The following ESRRG variants were observed in gnomAD, a reference collection of about 807,000 sequenced individuals.
ESRRG encodes the protein estrogen related receptor gamma.
ESRRG carries 13 observed loss-of-function variants against 44.0 expected under a neutral mutation model. The observed-to-expected ratio is 0.30, with a 90% CI of 0.19 to 0.47. ESRRG has a LOEUF of 0.47. ESRRG is among the 20% of genes least tolerant of loss of function. The probability of loss-of-function intolerance (pLI) is 1.00; values close to 1 mark genes in which losing one functional copy is unlikely to be tolerated. For synonymous variants in ESRRG, 215 were observed against 214.6 expected (o/e 1.00, Z -0.02); for missense variants, 395 against 580.6 (o/e 0.68, Z 3.29).
rs117620201 is a variant in ESRRG, at chr1:216,832,376, G to A, written c.-14+107206C>T. Among the ~76,000 whole-genome samples the A allele has an allele frequency of 7.9e-4, 121 of 152,268 alleles. 3 individuals are homozygous for A. In the East Asian group the frequency reaches 0.021, roughly 26 times the overall value. On this transcript the variant is annotated intron_variant, in intron 2 of 7. Transcript: ENST00000359162. ...CCTTTTGACTGTTAGTCTTGGCCAG[G>A]TTTCTCCGGTAGGTGGAGAACACTA...
At chr1:216,796,307 T>C (rs2094469553) in intron 2 of ESRRG, among the ~76,000 whole-genome samples, 2 of 152,132 alleles carry the variant, frequency 1.3e-5, no homozygotes, top group African/African-American at 4.8e-5. Flanking sequence ...GGCAATTGTA[T>C]ATCTCCAAGG....
Position 217,013,149 on chromosome 1 carries a change from C to T in ESRRG, c.-105-73476G>A, listed in dbSNP as rs12074540. ...CCTCTGGAAAGGCTCTATCCCCAAA[C>T]GGGATCACATTCCTCTGTACTGGAG... On this transcript the variant is annotated intron_variant, in intron 1 of 7. Transcript: ENST00000359162. Among the ~76,000 whole-genome samples the T allele has an allele frequency of 7.5e-3, 1,149 of 152,342 alleles. 16 individuals are homozygous for T. The highest frequency in any genetic ancestry group is 0.026 in the African/African-American group (1,085 of 41,584).
chr1:217,063,566 T>G (rs1173163214), intron 1 of ESRRG, among the ~76,000 whole-genome samples: 1 of 152,106 alleles, frequency 6.6e-6, no homozygotes, highest in Admixed American at 6.5e-5. Flanking sequence ...ACTGGGATAG[T>G]GAGTTAACAG....
intron 1 of ESRRG, among the ~76,000 whole-genome samples, chr1:217,020,630 G>C (rs773178171): frequency 2.6e-5 from 4 of 152,124 alleles, no homozygotes; most frequent in Admixed American, 1.3e-4. Flanking sequence ...TTGTTCAAGG[G>C]GGGCAAGGAC....
chr1:217,037,295 T>C (rs1202854613), intron 1 of ESRRG, among the ~76,000 whole-genome samples: 1 of 152,212 alleles, frequency 6.6e-6, no homozygotes, highest in African/African-American at 2.4e-5. Context: ...TACTGGAAAC[T>C]GGGCAATTTA....
At chr1:216,591,731 T>C (rs566167906) in intron 3 of ESRRG, among the ~76,000 whole-genome samples, 2 of 152,262 alleles carry the variant, frequency 1.3e-5, no homozygotes, top group South Asian at 2.1e-4. Context: ...AGAAGGCAGC[T>C]TGAAGGGGCT....
chr1:216,906,163 T>C (rs1436881), intron 2 of ESRRG, among the ~76,000 whole-genome samples: 12,832 of 152,228 alleles, frequency 0.084, 814 homozygotes, highest in East Asian at 0.21. Flanking sequence ...TCAGACTTTT[T>C]CTTAGTTTGA....
chr1:216,819,177 G>T (rs1354296546), intron 2 of ESRRG, among the ~76,000 whole-genome samples: 1 of 152,122 alleles, frequency 6.6e-6, no homozygotes, highest in Non-Finnish European at 1.5e-5. Context: ...CTTCCACAAT[G>T]GTTGAACTGG....
intron 1 of ESRRG, among the ~76,000 whole-genome samples, chr1:216,691,187 G>A (rs2078989642): frequency 6.6e-6 from 1 of 151,952 alleles, no homozygotes; most frequent in East Asian, 1.9e-4. Flanking sequence ...AGATGCTATA[G>A]AATATAGAAT....
chr1:216,630,191 C>A (rs1350916503), intron 3 of ESRRG, among the ~76,000 whole-genome samples: 1 of 152,154 alleles, frequency 6.6e-6, no homozygotes, highest in Non-Finnish European at 1.5e-5. Flanking sequence ...TGCTTCATGA[C>A]AGCAACATTT....
intron 1 of ESRRG, among the ~76,000 whole-genome samples, chr1:216,948,396 G>A (rs1269855995): frequency 6.8e-6 from 1 of 146,860 alleles, no homozygotes. Context: ...AGAATCTCTT[G>A]AACCTGGGAG....
At chr1:217,089,278 C>G (rs376535881) in intron 1 of ESRRG, among the ~76,000 whole-genome samples, 16 of 151,944 alleles carry the variant, frequency 1.1e-4, no homozygotes, top group Admixed American at 3.9e-4. Flanking sequence ...CCAGCACACA[C>G]GCTCACAGTT....
rs948860619 is a variant in ESRRG, at chr1:216,677,262, G to T, written c.286C>A (p.Pro96Thr). Residue 96 changes from proline (P) to threonine (T), a missense_variant, in exon 2 of 7, where the codon CCT becomes ACT. Physicochemically the swap from Pro to Thr is conservative, Grantham distance 38 (BLOSUM62 -1). Coordinates refer to ENST00000408911, the MANE Select transcript of ESRRG (RefSeq NM_001438.4). ...CAGTCATCATACAGTTTCCTGACAG[G>T]CCCACTACCTCCCAGGATAGGAGCA... ...PSAPILGGSG[P>T]VRKLYDDCSS... The T allele has an allele frequency of 2.5e-6, 4 of 1,613,974 alleles. No homozygotes were observed. Among genetic ancestry groups the T allele is most frequent in the Non-Finnish European group, 3.4e-6 (4 of 1,180,020 alleles).
chr1:216,537,265 G>A (rs950714451), intron 5 of ESRRG, among the ~76,000 whole-genome samples: 1 of 152,024 alleles, frequency 6.6e-6, no homozygotes, highest in Non-Finnish European at 1.5e-5. Context: ...GGTGAGAAGA[G>A]AGCCATCTAT....
chr1:216,657,527 T>C (rs2070943444), intron 2 of ESRRG, among the ~76,000 whole-genome samples: 1 of 152,178 alleles, frequency 6.6e-6, no homozygotes, highest in Non-Finnish European at 1.5e-5. Context: ...TTTTTGTCCA[T>C]TACTAAATTT....
chr1:216,734,181 C>T (rs1409217225), intron 2 of ESRRG, among the ~76,000 whole-genome samples: 1 of 152,058 alleles, frequency 6.6e-6, no homozygotes, highest in Non-Finnish European at 1.5e-5. Flanking sequence ...TCTTGATGGC[C>T]TTTAATCCTC....
intron 3 of ESRRG, among the ~76,000 whole-genome samples, chr1:216,596,429 T>C (rs909590496): frequency 2.6e-5 from 4 of 152,136 alleles, no homozygotes; most frequent in African/African-American, 9.7e-5. Context: ...GGATTGAAAC[T>C]GACCTAGGGA....
chr1:216,779,090 G>C (rs1247799008), intron 2 of ESRRG, among the ~76,000 whole-genome samples: 1 of 132,084 alleles, frequency 7.6e-6, no homozygotes, highest in Admixed American at 8.7e-5. Flanking sequence ...TTATTATGTG[G>C]AGGCTTAAAC....
intron 1 of ESRRG, among the ~76,000 whole-genome samples, chr1:216,712,948 C>T (rs926555226): frequency 2.0e-5 from 3 of 152,138 alleles, no homozygotes; most frequent in African/African-American, 7.2e-5. Flanking sequence ...TAGTACTGAA[C>T]AAAGGGCTAT....
Sources: gnomAD v4.1 joint callset for allele counts (sites outside exome capture counted in the v4.1 genomes callset) on GRCh38, gnomAD v4.1.1 for gene constraint, MANE v1.5 for transcripts, NCBI Gene and HGNC (gene_info 2026-07-23, HGNC 2026-07-21) for gene names.